Variants in SLC25A42 observed in about 807,000 individuals in gnomAD.
SLC25A42 encodes the protein mitochondrial coenzyme A transporter SLC25A42.
Under a neutral mutation model 34.7 loss-of-function variants are expected in SLC25A42, and 19 were observed. The ratio of observed to expected loss-of-function variants is 0.55; its 90% CI spans 0.38 to 0.80. SLC25A42 has a LOEUF of 0.80. Ranked by LOEUF, SLC25A42 falls within the 30% of genes least tolerant of loss-of-function variation. The pLI, the probability that SLC25A42 is intolerant of heterozygous loss-of-function variation, is 0.00. For synonymous variants in SLC25A42, 205 were observed against 191.2 expected (o/e 1.07, Z -0.59); for missense variants, 364 against 441.3 (o/e 0.82, Z 1.57).
chr19:19,095,773 A>G (rs1349286712), intron 1 of SLC25A42, among the ~76,000 whole-genome samples: 1 of 152,146 alleles, frequency 6.6e-6, no homozygotes, highest in Non-Finnish European at 1.5e-5. Context: ...GGCACTGAGC[A>G]CCTCGGCCAC....
intron 2 of SLC25A42, among the ~76,000 whole-genome samples, chr19:19,101,388 G>A (rs1156836223): frequency 6.6e-6 from 1 of 152,102 alleles, no homozygotes; most frequent in East Asian, 1.9e-4. Context: ...CCAACCCCCT[G>A]ACCCCAACGG....
chr19:19,079,469 G>A lies in SLC25A42; in HGVS notation c.-35+15354G>A, dbSNP rs185668894. On this transcript the variant is annotated intron_variant, in intron 1 of 7. Transcript: ENST00000318596. ...CCACCAATCTGGTTCCTGTCTCTAT[G>A]GATTTACCTGTTCTGGGCATTTCAT... is the stretch of plus-strand genomic sequence containing the variant. Among the ~76,000 whole-genome samples, 123 of 152,124 alleles carry A rather than the reference G, an allele frequency of 8.1e-4. 1 individual carries two copies. Among genetic ancestry groups the A allele is most frequent in the African/African-American group, 2.8e-3 (116 of 41,498 alleles).
At chr19:19,083,832 C>T (rs913334330) in intron 1 of SLC25A42, among the ~76,000 whole-genome samples, 2 of 152,074 alleles carry the variant, frequency 1.3e-5, no homozygotes, top group African/African-American at 2.4e-5. Context: ...CATCTGACAC[C>T]CAACTGCCTC....
intron 1 of SLC25A42, 67 bp from the exon 2 acceptor site, chr19:19,096,024 G>T: frequency 9.3e-7 from 1 of 1,069,882 alleles, no homozygotes. Flanking sequence ...GATAGGAAAA[G>T]GCTGGTGGAA....
intron 1 of SLC25A42, among the ~76,000 whole-genome samples, chr19:19,087,413 G>A (rs1365208284): frequency 4.6e-5 from 7 of 152,092 alleles, no homozygotes; most frequent in Non-Finnish European, 8.8e-5. Context: ...TCGGCCTCCC[G>A]AGTAGCTGGG....
rs572898874 is a variant in SLC25A42, at chr19:19,092,970, C to T, written c.-34-3121C>T. Among the ~76,000 whole-genome samples, 4 of 152,208 alleles carry T rather than the reference C, an allele frequency of 2.6e-5. No homozygotes were observed. The South Asian group carries it at 6.2e-4, about 24-fold the overall frequency. ...ATGAAAGATGCCGACCCCCAGCAAC[C>T]GGCTGGGAAAGGTCTTTAGGACCTG... On this transcript the variant is annotated intron_variant, in intron 1 of 7. Coordinates refer to ENST00000318596, the MANE Select transcript of SLC25A42 (RefSeq NM_178526.5).
intron 1 of SLC25A42, among the ~76,000 whole-genome samples, chr19:19,075,522 G>A (rs77376130): frequency 0.016 from 2,457 of 152,270 alleles, 63 homozygotes; most frequent in African/African-American, 0.056. Flanking sequence ...CTAGGTACTC[G>A]CGAAAGGTAC....
intron 1 of SLC25A42, among the ~76,000 whole-genome samples, chr19:19,065,739 C>T (rs1318718140): frequency 6.6e-6 from 1 of 152,240 alleles, no homozygotes; most frequent in Admixed American, 6.5e-5. Context: ...GTGTGTTGTA[C>T]ACATATGTAC....
chr19:19,067,488 G>A (rs907240257), intron 1 of SLC25A42, among the ~76,000 whole-genome samples: 16 of 151,942 alleles, frequency 1.1e-4, no homozygotes, highest in African/African-American at 3.6e-4. Flanking sequence ...GGAGGCTAAG[G>A]TGGAGAACTG....
chr19:19,106,211 C>T (rs1388302260), intron 5 of SLC25A42, 58 bp from the exon 6 acceptor site: 2 of 1,458,946 alleles, frequency 1.4e-6, no homozygotes, highest in African/African-American at 1.4e-5. Flanking sequence ...CAGGCTGGGC[C>T]TCTGTGCATC....
rs2059587889 is a variant in SLC25A42 at position 19,064,059 on chromosome 19, G to C, written c.-91G>C. The C allele has an allele frequency of 6.6e-6, 1 of 152,610 alleles. No homozygotes were observed. Among genetic ancestry groups the C allele is most frequent in the Non-Finnish European group, 1.5e-5 (1 of 68,260 alleles). 9.5% of individuals were successfully genotyped at this position (152,610 alleles called of 1,614,324 possible). A position where few individuals can be genotyped will look rare whatever the true frequency, so the allele number is the denominator to read the frequency against. On this transcript the variant is annotated 5_prime_UTR_variant, in exon 1 of 8. Transcript: ENST00000318596. ...CGCGTCCGGGCCGGTGAGGGGGCGC[G>C]GGGGGCGCCGGGGGGGCCCAAGCGT...
chr19:19,096,254 T>TGGGGCCCCCCCCCCCCCCCC, intron 2 of SLC25A42, 49 bp downstream of exon 2: 4 of 1,456,676 alleles, frequency 2.7e-6, no homozygotes, highest in African/African-American at 1.5e-5. Context: ...GGCCCCAGCC[T>TGGGGCCCCCCCCCCCCCCCC]CCCCACCCCC....
chr19:19,095,162 C>T (rs951162959), intron 1 of SLC25A42, among the ~76,000 whole-genome samples: 4 of 151,998 alleles, frequency 2.6e-5, no homozygotes, highest in African/African-American at 9.7e-5. Context: ...GATCATGCCA[C>T]TGCATTCCAG....
rs2059871645 is a variant in SLC25A42, at chr19:19,112,568, G to C, written c.*1692G>C. ...CTGCCCCAGGTGGGTGAGACCAAAT[G>C]AGTGGATTTGGGGCCACAGGCTAGG... On this transcript the variant is annotated 3_prime_UTR_variant, in exon 8 of 8. Transcript: ENST00000318596. This position sits in a 1 kb window ranked among gnomAD's most constrained non-coding sequence, Gnocchi z 4.3. The C allele has an allele frequency of 6.6e-6, 1 of 152,366 alleles. No homozygotes were observed. The highest frequency in any genetic ancestry group is 1.5e-5 in the Non-Finnish European group (1 of 68,106). The allele number at this position is 152,366 out of a possible 1,614,324, so 9.4% of individuals were successfully genotyped here.
chr19:19,105,497 C>A, intron 4 of SLC25A42, 64 bp from the exon 5 acceptor site: 1 of 1,565,076 alleles, frequency 6.4e-7, no homozygotes, highest in South Asian at 1.2e-5. Context: ...CTCTGCTGGT[C>A]ACAGAGGCCC....
At position 19,096,206 on chromosome 19, in the gene SLC25A42, G is replaced by GC. The variant is rs751705376; in HGVS notation, c.81+2dup. ...CCTGTCCTCGTCCGTCTCATCAAAGGCAAGTACCCCGGCCTCCTGGGATGG... is the reference window on the plus strand; with the variant it reads ...CCTGTCCTCGTCCGTCTCATCAAAGGCCAAGTACCCCGGCCTCCTGGGATGG... On this transcript the variant is annotated splice_donor_variant, in intron 2 of 7. Coordinates refer to ENST00000318596, the MANE Select transcript of SLC25A42 (RefSeq NM_178526.5). LOFTEE classifies it high-confidence loss of function. 3.1e-6 allele frequency: 5 copies of GC among 1,608,742 alleles called. No individual in the cohort carries two copies. The highest frequency in any genetic ancestry group is 4.2e-6 in the Non-Finnish European group (5 of 1,177,126).
intron 6 of SLC25A42, 95 bp from the exon 7 acceptor site, chr19:19,107,799 C>A: frequency 7.5e-7 from 1 of 1,325,110 alleles, no homozygotes; most frequent in Non-Finnish European, 1.1e-6. Context: ...CACACCCAGG[C>A]CCAGCCGGCT....
At chr19:19,104,074 T>C (rs534141659) in intron 3 of SLC25A42, among the ~76,000 whole-genome samples, 1 of 152,082 alleles carries the variant, frequency 6.6e-6, no homozygotes, top group East Asian at 1.9e-4. Context: ...GCCTGGCTAA[T>C]TTTTTTGTAC....
intron 1 of SLC25A42, among the ~76,000 whole-genome samples, chr19:19,092,412 A>G (rs745728611): frequency 6.6e-6 from 1 of 152,108 alleles, no homozygotes; most frequent in Admixed American, 6.5e-5. Context: ...GACTTTGTCT[A>G]TGTCTGTGGG....
Sources: allele counts gnomAD v4.1 joint callset (sites outside exome capture counted in the v4.1 genomes callset), GRCh38; gene constraint gnomAD v4.1.1; non-coding constraint Gnocchi (gnomAD v3.1); transcripts MANE v1.5; gene names NCBI Gene and HGNC (gene_info 2026-07-23, HGNC 2026-07-21).